The following ASAP1 variants were observed in gnomAD, a reference collection of about 807,000 sequenced individuals.
ASAP1 encodes ArfGAP with SH3 domain, ankyrin repeat and PH domain 1, also known as arf-GAP with SH3 domain, ANK repeat and PH domain-containing protein 1.
Under a neutral mutation model 145.2 loss-of-function variants are expected in ASAP1, and 43 were observed. That is an observed-to-expected ratio of 0.30 (90% CI 0.23 to 0.38). ASAP1 has a LOEUF of 0.38. ASAP1 is among the 10% of genes least tolerant of loss of function. The pLI, the probability that ASAP1 is intolerant of heterozygous loss-of-function variation, is 1.00. For synonymous variants in ASAP1, 546 were observed against 515.5 expected (o/e 1.06, Z -0.80); for missense variants, 1,018 against 1,355.3 (o/e 0.75, Z 3.91).
chr8:130,298,028 T>C (rs1822392747), intron 3 of ASAP1, among the ~76,000 whole-genome samples: 1 of 152,148 alleles, frequency 6.6e-6, no homozygotes, highest in South Asian at 2.1e-4. Context: ...TCACTTCCCT[T>C]CTTTGAATCC....
At chr8:130,412,056 C>T (rs1829287865) in intron 1 of ASAP1, among the ~76,000 whole-genome samples, 1 of 152,196 alleles carries the variant, frequency 6.6e-6, no homozygotes, top group Non-Finnish European at 1.5e-5. Flanking sequence ...GGCCACATAG[C>T]CCCTTTCAAT....
intron 3 of ASAP1, among the ~76,000 whole-genome samples, chr8:130,242,431 G>A (rs1391310941): frequency 6.6e-6 from 1 of 151,872 alleles, no homozygotes; most frequent in African/African-American, 2.4e-5. Flanking sequence ...TCTTATATGT[G>A]TTATTCCTTT....
At chr8:130,374,583 T>C (rs1827390232) in intron 2 of ASAP1, among the ~76,000 whole-genome samples, 1 of 152,230 alleles carries the variant, frequency 6.6e-6, no homozygotes. Context: ...TATAATTGCT[T>C]TTTAACAAGC....
Position 130,060,888 on chromosome 8 carries a change from T to G in ASAP1, c.2883A>C (p.Glu961Asp). ...QIGDLPPKPG[E>D]LPPKPQLGDL... Reference sequence around the variant, plus strand: ...CCCCCAGCTGTGGTTTGGGGGGCAGTTCTCCTGGCTTAGGCGGCAAATCTC... The same window carrying G: ...CCCCCAGCTGTGGTTTGGGGGGCAGGTCTCCTGGCTTAGGCGGCAAATCTC... The change falls in exon 28 of 30, where the codon GAA (glutamate) becomes GAC (aspartate). Residue 961 changes from glutamate to aspartate, a missense_variant. Physicochemically the swap from Glu to Asp is conservative, Grantham distance 45. Around this residue, in one of 9 missense-constraint regions of ASAP1, gnomAD observed 139 missense variants for 131.0 expected, o/e 1.06. Transcript: ENST00000518721. 7 of 1,613,656 alleles carry G rather than the reference T, an allele frequency of 4.3e-6. No individual in the cohort carries two copies. The highest frequency in any genetic ancestry group is 5.9e-6 in the Non-Finnish European group (7 of 1,179,742).
intron 13 of ASAP1, among the ~76,000 whole-genome samples, chr8:130,139,219 G>A (rs1303511991): frequency 1.4e-4 from 21 of 152,120 alleles, no homozygotes; most frequent in Admixed American, 1.4e-3. Flanking sequence ...GAAAGCTAGG[G>A]GGTGACTTAA....
At chr8:130,203,170 T>C (rs1290473079) in intron 5 of ASAP1, among the ~76,000 whole-genome samples, 1 of 152,154 alleles carries the variant, frequency 6.6e-6, no homozygotes, top group Non-Finnish European at 1.5e-5. Flanking sequence ...TCTGAAGTGG[T>C]TCCATGAAAA....
At chr8:130,078,531 A>C (rs1018617919) in intron 26 of ASAP1, among the ~76,000 whole-genome samples, 1 of 147,934 alleles carries the variant, frequency 6.8e-6, no homozygotes, top group Non-Finnish European at 1.5e-5. Context: ...AGCAATCCTC[A>C]CACCTTGGCC....
At chr8:130,388,079 C>T (rs1828106107) in intron 2 of ASAP1, among the ~76,000 whole-genome samples, 1 of 152,184 alleles carries the variant, frequency 6.6e-6, no homozygotes, top group African/African-American at 2.4e-5. Flanking sequence ...GCTGAGACTT[C>T]AGGATGTGAC....
At chr8:130,256,761 A>ATATATATATATATATATATATATCCT (rs1819581562) in intron 3 of ASAP1, among the ~76,000 whole-genome samples, 1 of 98,152 alleles carries the variant, frequency 1.0e-5, no homozygotes, top group Non-Finnish European at 2.3e-5. Flanking sequence ...ATATATATAT[A>ATATATATATATATATATATATATCCT]TATATATATA....
intron 9 of ASAP1, among the ~76,000 whole-genome samples, chr8:130,177,025 A>G (rs969536619): frequency 6.6e-6 from 1 of 152,144 alleles, no homozygotes; most frequent in Non-Finnish European, 1.5e-5. Context: ...GGTACCCGTC[A>G]CTGTCCAGCC....
intron 5 of ASAP1, among the ~76,000 whole-genome samples, chr8:130,199,392 G>C (rs898899848): frequency 6.6e-6 from 1 of 152,162 alleles, no homozygotes; most frequent in Non-Finnish European, 1.5e-5. Context: ...AACCAGTTTT[G>C]GTCGTCCTGG....
intron 3 of ASAP1, among the ~76,000 whole-genome samples, chr8:130,313,745 A>G (rs1823498027): frequency 6.6e-6 from 1 of 152,238 alleles, no homozygotes; most frequent in African/African-American, 2.4e-5. Context: ...TATCTCAGAC[A>G]TGATCCACAT....
intron 3 of ASAP1, among the ~76,000 whole-genome samples, chr8:130,293,589 C>T (rs1480635573): frequency 6.6e-6 from 1 of 152,072 alleles, no homozygotes; most frequent in Non-Finnish European, 1.5e-5. Context: ...GTAAGGATTC[C>T]CCCACCCCCA....
intron 9 of ASAP1, among the ~76,000 whole-genome samples, chr8:130,176,526 T>G (rs948338424): frequency 6.6e-6 from 1 of 152,126 alleles, no homozygotes; most frequent in African/African-American, 2.4e-5. Flanking sequence ...TGTAGGGTTT[T>G]CTTCTGATGA....
chr8:130,060,813 C>A lies in ASAP1; in HGVS notation c.2958G>T (p.Met986Ile). The A allele has an allele frequency of 6.2e-7, 1 of 1,613,272 alleles. No individual in the cohort carries two copies. The highest frequency in any genetic ancestry group is 1.7e-5 in the Admixed American group (1 of 59,908). ...GCTGTGGTTTGGGGGGCAGGTCCTT[C>A]ATCTGTGGTTTGGGAGGTAAGTCTG... ...QLSDLPPKPQMKDLPPKPQLG... is the reference protein window; with the variant it reads ...QLSDLPPKPQIKDLPPKPQLG... The change falls in exon 28 of 30, where the codon ATG becomes ATT. Residue 986 changes from methionine to isoleucine, a missense_variant. Coordinates refer to ENST00000518721, the MANE Select transcript of ASAP1 (RefSeq NM_018482.4).
intron 11 of ASAP1, chr8:130,163,061 C>A: frequency 6.0e-6 from 1 of 166,872 alleles, no homozygotes; most frequent in Non-Finnish European, 1.3e-5. Flanking sequence ...TGGCAAAGGC[C>A]TGTGACAATG....
intron 3 of ASAP1, among the ~76,000 whole-genome samples, chr8:130,245,313 G>A (rs575096288): frequency 6.6e-6 from 1 of 152,230 alleles, no homozygotes; most frequent in Admixed American, 6.5e-5. Flanking sequence ...AGATTCTCCT[G>A]TGCTTATAAA....
At position 130,097,009 on chromosome 8, in the gene ASAP1, C is replaced by T. The variant is rs59297824; in HGVS notation, c.2402-4866G>A. Among the ~76,000 whole-genome samples the T allele has an allele frequency of 5.3e-5, 8 of 151,316 alleles. 1 individual carries two copies. In the South Asian group the frequency reaches 1.7e-3, roughly 32 times the overall value. On this transcript the variant is annotated intron_variant, in intron 24 of 29. Transcript: ENST00000518721. ...GGCATGGTGGCATGCACCTGTAATCCCAGCTACTTGGGAGGCTGAGGCAGG... is the reference window on the plus strand; with the variant it reads ...GGCATGGTGGCATGCACCTGTAATCTCAGCTACTTGGGAGGCTGAGGCAGG...
At chr8:130,268,490 AACACACACACACACAC>A (rs113714700) in intron 3 of ASAP1, among the ~76,000 whole-genome samples, 25 of 133,190 alleles carry the variant, frequency 1.9e-4, no homozygotes, top group Admixed American at 7.7e-4. Context: ...CCCGTCTTAA[AACACACACACACACAC>A]ACACACACAC....
Sources: gnomAD v4.1 joint callset for allele counts (sites outside exome capture counted in the v4.1 genomes callset) on GRCh38, gnomAD v4.1.1 for gene constraint, gnomAD v4.1.1 regional missense constraint, MANE v1.5 for transcripts, NCBI Gene and HGNC (gene_info 2026-07-23, HGNC 2026-07-21) for gene names.